SMIM36: variants seen among roughly 807,000 people sequenced by gnomAD.
The protein encoded by SMIM36 is small integral membrane protein 36.
At chr17:55,498,992 CTG>C (rs1410053322) in intron 1 of SMIM36, among the ~76,000 whole-genome samples, 4 of 86,820 alleles carry the variant, frequency 4.6e-5, no homozygotes, top group Admixed American at 1.7e-4. Context: ...GAGTGAGACT[CTG>C]TCACCAAAAA....
chr17:55,497,359 G>T (rs544011191), intron 1 of SMIM36, among the ~76,000 whole-genome samples: 2 of 152,136 alleles, frequency 1.3e-5, no homozygotes, highest in South Asian at 2.1e-4. Context: ...CTGCCTCCCG[G>T]GTTCAAGCGA....
chr17:55,526,037 C>T, the SMIM36 span, among the ~76,000 whole-genome samples: 2 of 152,170 alleles, frequency 1.3e-5, no homozygotes, highest in Non-Finnish European at 2.9e-5. Context: ...ATGTGGCCAA[C>T]AAGGCCATTC....
chr17:55,480,736 C>A (rs1002934601), intron 1 of SMIM36, among the ~76,000 whole-genome samples: 1 of 152,104 alleles, frequency 6.6e-6, no homozygotes, highest in Non-Finnish European at 1.5e-5. Context: ...TTCAGTTTCC[C>A]CATAGGAGCT....
intron 3 of SMIM36, among the ~76,000 whole-genome samples, chr17:55,474,880 A>G (rs1234074405): frequency 6.6e-6 from 1 of 152,184 alleles, no homozygotes; most frequent in African/African-American, 2.4e-5. Context: ...TGACACCCGG[A>G]AAACTTAGAA....
chr17:55,517,897 A>G, the SMIM36 span, among the ~76,000 whole-genome samples: 1 of 152,230 alleles, frequency 6.6e-6, no homozygotes, highest in Non-Finnish European at 1.5e-5. Flanking sequence ...AGAGAAGAGG[A>G]ATAAGGACAG....
chr17:55,489,837 T>C (rs1451602792), intron 1 of SMIM36, among the ~76,000 whole-genome samples: 1 of 140,740 alleles, frequency 7.1e-6, no homozygotes, highest in African/African-American at 2.7e-5. Flanking sequence ...ATGGAAAAAG[T>C]TATTATTGCT....
chr17:55,465,022 G>C (rs943849468), intron 4 of SMIM36, among the ~76,000 whole-genome samples: 3 of 152,172 alleles, frequency 2.0e-5, no homozygotes, highest in African/African-American at 7.2e-5. Flanking sequence ...CTGTGTGATG[G>C]AGCTGCCGGG....
chr17:55,472,953 G>A (rs1297137887), intron 3 of SMIM36, among the ~76,000 whole-genome samples: 2 of 151,406 alleles, frequency 1.3e-5, no homozygotes, highest in African/African-American at 4.9e-5. Context: ...CTCCACACCC[G>A]CTAATATTCC....
chr17:55,499,415 A>T (rs1339815281), intron 1 of SMIM36, among the ~76,000 whole-genome samples: 1 of 152,202 alleles, frequency 6.6e-6, no homozygotes, highest in Non-Finnish European at 1.5e-5. Flanking sequence ...GATAAACTGC[A>T]TGGCCTTGTG....
chr17:55,522,069 C>A, the SMIM36 span, among the ~76,000 whole-genome samples: 156 of 152,326 alleles, frequency 1.0e-3, 2 homozygotes, highest in African/African-American at 3.6e-3. Context: ...AGCATTCTTA[C>A]ACGGGCAGTA....
chr17:55,454,903 A>G (rs755811978), intron 4 of SMIM36, among the ~76,000 whole-genome samples: 9 of 152,216 alleles, frequency 5.9e-5, no homozygotes, highest in Non-Finnish European at 1.0e-4. Flanking sequence ...TCGTGAAGAG[A>G]TACCATAATT....
intron 1 of SMIM36, among the ~76,000 whole-genome samples, chr17:55,507,270 C>T (rs1305790036): frequency 1.4e-5 from 1 of 70,928 alleles, no homozygotes; most frequent in Non-Finnish European, 2.4e-5. Context: ...TATAAAGACA[C>T]ATGCACACGT....
intron 1 of SMIM36, among the ~76,000 whole-genome samples, chr17:55,490,596 C>G (rs925375227): frequency 6.6e-6 from 1 of 152,106 alleles, no homozygotes; most frequent in Non-Finnish European, 1.5e-5. Context: ...GTATGGTCTC[C>G]CAGAAACAGT....
chr17:55,504,052 C>T (rs1333498012), intron 1 of SMIM36, among the ~76,000 whole-genome samples: 1 of 98,954 alleles, frequency 1.0e-5, no homozygotes, highest in Non-Finnish European at 1.8e-5. Flanking sequence ...GCACCCAATA[C>T]AGGAGCACCC....
intron 1 of SMIM36, among the ~76,000 whole-genome samples, chr17:55,496,321 C>T (rs1409639764): frequency 6.6e-5 from 10 of 151,994 alleles, no homozygotes; most frequent in African/African-American, 2.2e-4. Context: ...GCTGGCAATG[C>T]GTCAAGCAGA....
chr17:55,452,102 CAAAAAAAAAA>C (rs1156887430), intron 4 of SMIM36, among the ~76,000 whole-genome samples: 5 of 51,756 alleles, frequency 9.7e-5, no homozygotes, highest in Non-Finnish European at 1.7e-4. Context: ...TCAATCTCTA[CAAAAAAAAAA>C]AAAAAAAAAA....
At chr17:55,478,519 C>T (rs1023400018) in intron 3 of SMIM36, among the ~76,000 whole-genome samples, 2 of 152,116 alleles carry the variant, frequency 1.3e-5, no homozygotes, top group Non-Finnish European at 2.9e-5. Flanking sequence ...AGTGAGCCAC[C>T]ACACCTGGCC....
At chr17:55,468,687 T>G (rs2143253703) in intron 3 of SMIM36, among the ~76,000 whole-genome samples, 1 of 152,270 alleles carries the variant, frequency 6.6e-6, no homozygotes, top group Non-Finnish European at 1.5e-5. Context: ...TCTCCGTGTC[T>G]CTACCTTTCT....
intron 3 of SMIM36, among the ~76,000 whole-genome samples, chr17:55,472,961 T>A (rs1240485608): frequency 6.6e-6 from 1 of 152,024 alleles, no homozygotes; most frequent in Non-Finnish European, 1.5e-5. Context: ...CCGCTAATAT[T>A]CCAGCCCCTA....
Sources: allele counts gnomAD v4.1 joint callset (sites outside exome capture counted in the v4.1 genomes callset), GRCh38; gene constraint gnomAD v4.1.1; transcripts MANE v1.5; gene names NCBI Gene and HGNC (gene_info 2026-07-23, HGNC 2026-07-21).